The following ANKIB1 variants were observed in gnomAD, a reference collection of about 807,000 sequenced individuals.
ANKIB1 encodes ankyrin repeat and IBR domain containing 1.
In ANKIB1, 43 loss-of-function variants were observed where a neutral mutation model predicts 122.1. That is an observed-to-expected ratio of 0.35 (90% confidence interval 0.28 to 0.45). The LOEUF is 0.45. ANKIB1 is among the 20% of genes least tolerant of loss of function. The pLI is 1.00. For synonymous variants in ANKIB1, 390 were observed against 442.0 expected (o/e 0.88, Z 1.48); for missense variants, 992 against 1,329.5 (o/e 0.75, Z 3.95).
At chr7:92,292,886 T>C (rs555706054) in intron 1 of ANKIB1, among the ~76,000 whole-genome samples, 1 of 152,304 alleles carries the variant, frequency 6.6e-6, no homozygotes, top group South Asian at 2.1e-4. Context: ...AACCGTGAGG[T>C]AAACCATGAG....
intron 1 of ANKIB1, among the ~76,000 whole-genome samples, chr7:92,285,382 A>T (rs1198763510): frequency 6.6e-6 from 1 of 152,204 alleles, no homozygotes; most frequent in African/African-American, 2.4e-5. Flanking sequence ...CAAATTTTAT[A>T]CTATAAACAT....
chr7:92,314,353 TATG>T (rs1285483182), intron 3 of ANKIB1, among the ~76,000 whole-genome samples: 1 of 151,198 alleles, frequency 6.6e-6, no homozygotes, highest in African/African-American at 2.4e-5. Flanking sequence ...TGAAAGCAAA[TATG>T]ATGAGATTAG....
intron 11 of ANKIB1, among the ~76,000 whole-genome samples, chr7:92,379,828 G>A (rs1451490790): frequency 1.3e-5 from 2 of 152,142 alleles, no homozygotes; most frequent in Admixed American, 6.5e-5. Context: ...TCCAATGATC[G>A]ACACAGAAGA....
At position 92,264,677 on chromosome 7, in the gene ANKIB1, G is replaced by C. The variant is rs1585077807; in HGVS notation, c.-91+18158G>C. ...ACTGCCTACCTTGGCCTCCCAAAGT[G>C]CTGGGATTACAGGCATAAGCCACTG... On this transcript the variant is annotated intron_variant, in intron 1 of 19. Coordinates refer to ENST00000265742, the MANE Select transcript of ANKIB1 (RefSeq NM_019004.2). Among the ~76,000 whole-genome samples, 6 of 151,936 alleles carry C rather than the reference G, an allele frequency of 3.9e-5. No homozygotes were observed. In the East Asian group the frequency reaches 1.2e-3, roughly 30 times the overall value.
At position 92,261,071 on chromosome 7, in the gene ANKIB1, C is replaced by T. The variant is rs180773391; in HGVS notation, c.-91+14552C>T. Reference sequence around the variant, plus strand: ...ATTTGAAATTACTATGTTTTTTGGCCGGGCGCGGTGGCTCACGCCTGTAAT... The same window carrying T: ...ATTTGAAATTACTATGTTTTTTGGCTGGGCGCGGTGGCTCACGCCTGTAAT... On this transcript the variant is annotated intron_variant, in intron 1 of 19. Transcript: ENST00000265742. Among the ~76,000 whole-genome samples, 1,091 of 151,960 alleles carry T rather than the reference C, an allele frequency of 7.2e-3. 11 individuals are homozygous for T. Among genetic ancestry groups the T allele is most frequent in the African/African-American group, 0.025 (1,035 of 41,492 alleles).
Position 92,398,450 on chromosome 7 carries a change from G to A in ANKIB1, c.2771G>A (p.Arg924Lys). ...ELLELGDSLMRLGAENDPFST... is the reference protein window; with the variant it reads ...ELLELGDSLMKLGAENDPFST... ...TTGGAACTTGGTGACAGCCTCATGA[G>A]ACTAGGAGCAGAGAATGACCCATTT... Residue 924 changes from arginine (R) to lysine (K), a missense_variant, in exon 20 of 20, where the codon AGA becomes AAA. Arg to Lys is a conservative substitution (Grantham distance 26). Transcript: ENST00000265742. 1.9e-6 allele frequency: 3 copies of A among 1,613,902 alleles called. No homozygotes were observed. Among genetic ancestry groups the A allele is most frequent in the Non-Finnish European group, 2.5e-6 (3 of 1,179,844 alleles).
At chr7:92,315,615 G>C (rs1215702384) in intron 3 of ANKIB1, among the ~76,000 whole-genome samples, 6 of 152,176 alleles carry the variant, frequency 3.9e-5, no homozygotes, top group Admixed American at 3.9e-4. Flanking sequence ...CAATGTCAAA[G>C]ATGCAAGAGA....
chr7:92,338,898 T>C (rs1403987783), intron 5 of ANKIB1, among the ~76,000 whole-genome samples: 9 of 80,744 alleles, frequency 1.1e-4, no homozygotes, highest in Middle Eastern at 0.015. Context: ...GGCGACAGAG[T>C]GAGACTCCAT....
chr7:92,328,993 A>T (rs1226338944), intron 5 of ANKIB1, among the ~76,000 whole-genome samples: 2 of 148,252 alleles, frequency 1.3e-5, no homozygotes, highest in Non-Finnish European at 3.0e-5. Context: ...TTTGGGACAG[A>T]GTCTTGCTCT....
At chr7:92,349,472 T>C (rs1254183851) in intron 7 of ANKIB1, among the ~76,000 whole-genome samples, 3 of 152,156 alleles carry the variant, frequency 2.0e-5, no homozygotes, top group Non-Finnish European at 2.9e-5. Context: ...ATTAAGAGAA[T>C]GAGAGAACTA....
chr7:92,304,533 C>A (rs1802518729), intron 2 of ANKIB1, among the ~76,000 whole-genome samples: 1 of 151,918 alleles, frequency 6.6e-6, no homozygotes, highest in Non-Finnish European at 1.5e-5. Context: ...CCTGAACTCT[C>A]CTGAGCAAAC....
intron 5 of ANKIB1, among the ~76,000 whole-genome samples, chr7:92,329,240 A>G (rs761797932): frequency 2.0e-5 from 3 of 152,156 alleles, no homozygotes; most frequent in Non-Finnish European, 2.9e-5. Context: ...TGCTGGGATT[A>G]CAGGCGTGAG....
In ANKIB1 at chr7:92,307,660, A is replaced by C; in HGVS notation, c.486+4A>C. 6.6e-7 allele frequency: 1 copy of C among 1,513,890 alleles called. No homozygotes were observed. The allele number at this position is 1,513,890 out of a possible 1,614,324, so 93.8% of individuals were successfully genotyped here. A position where few individuals can be genotyped will look rare whatever the true frequency, so the allele number is the denominator to read the frequency against. ...AGGGATGAAAGCCTGTGTAGAGGTA[A>C]ATTTTTTTTTTTTTTAATATTCTGC... On this transcript the variant is annotated splice_donor_region_variant and intron_variant, in intron 3 of 19. Transcript: ENST00000265742.
In ANKIB1 at chr7:92,246,491, G is replaced by A. The variant is rs538678302; in HGVS notation, c.-119G>A. 1.9e-6 allele frequency: 1 copy of A among 518,484 alleles called. No homozygotes were observed. The highest frequency in any genetic ancestry group is 5.5e-5 in the East Asian group (1 of 18,338). 32.1% of individuals were successfully genotyped at this position (518,484 alleles called of 1,614,324 possible). ...GAACTGCGGAGTTGCTGGGTCCACC[G>A]ACCCTTACCCTCAGCGAGAGAAGTA... On this transcript the variant is annotated 5_prime_UTR_variant, in exon 1 of 20. Coordinates refer to ENST00000265742, the MANE Select transcript of ANKIB1 (RefSeq NM_019004.2).
intron 2 of ANKIB1, among the ~76,000 whole-genome samples, chr7:92,304,405 C>T (rs969465423): frequency 4.6e-5 from 7 of 152,076 alleles, no homozygotes; most frequent in Admixed American, 3.9e-4. Flanking sequence ...AAGAGAGTGT[C>T]TCTCTCTTCT....
intron 1 of ANKIB1, among the ~76,000 whole-genome samples, chr7:92,256,446 C>T (rs1801447644): frequency 6.6e-6 from 1 of 152,120 alleles, no homozygotes; most frequent in African/African-American, 2.4e-5. Context: ...CAGTATTAGT[C>T]AAATATCTCT....
At chr7:92,338,026 ATGGATAATGTTTTG>A (rs1170488359) in intron 5 of ANKIB1, among the ~76,000 whole-genome samples, 1 of 152,162 alleles carries the variant, frequency 6.6e-6, no homozygotes, top group Non-Finnish European at 1.5e-5. Context: ...ACAATGAGAA[ATGGATAATGTTTTG>A]TGGGTGTAGT....
rs200338114 is a variant in ANKIB1 at position 92,399,333 on chromosome 7, T to TAA, written c.*398_*399dup. 3.1e-4 allele frequency: 44 copies of TAA among 143,188 alleles called. No individual in the cohort carries two copies. The highest frequency in any genetic ancestry group is 8.0e-4 in the East Asian group (4 of 4,976). 8.9% of individuals were successfully genotyped at this position (143,188 alleles called of 1,614,324 possible). A position where few individuals can be genotyped will look rare whatever the true frequency, so the allele number is the denominator to read the frequency against. On this transcript the variant is annotated 3_prime_UTR_variant, in exon 20 of 20. Transcript: ENST00000265742. ...CCCTAATCTTTGGGTGGCTTTCCTT[T>TAA]AAAAAAAAAAAAAAAGTTTTCTTCA...
At chr7:92,349,841 G>A (rs1473535615) in intron 7 of ANKIB1, among the ~76,000 whole-genome samples, 1 of 151,838 alleles carries the variant, frequency 6.6e-6, no homozygotes, top group Non-Finnish European at 1.5e-5. Flanking sequence ...AGATCATATG[G>A]CTTGTTGGTG....
Sources: allele counts gnomAD v4.1 joint callset (sites outside exome capture counted in the v4.1 genomes callset), GRCh38; gene constraint gnomAD v4.1.1; transcripts MANE v1.5; gene names NCBI Gene and HGNC (gene_info 2026-07-23, HGNC 2026-07-21).